C9orf43: variants seen among roughly 807,000 people sequenced by gnomAD.
C9orf43 encodes the protein uncharacterized protein C9orf43.
In C9orf43, 45 loss-of-function variants were observed where a neutral mutation model predicts 59.1. That is an observed-to-expected ratio of 0.76 (90% CI 0.60 to 0.98). The LOEUF (loss-of-function observed/expected upper bound fraction) is 0.98. C9orf43 is among the 50% of genes least tolerant of loss of function. The pLI is 0.00. For missense variants in C9orf43, 533 were observed against 554.9 expected, an observed-to-expected ratio of 0.96 and a Z score of 0.40; for synonymous variants, 203 against 196.8, an observed-to-expected ratio of 1.03 and a Z score of -0.26.
At chr9:113,425,257 C>A in intron 9 of C9orf43, 87 bp from the exon 10 acceptor site, 2 of 1,582,334 alleles carry the variant, frequency 1.3e-6, no homozygotes, top group Non-Finnish European at 1.7e-6. Flanking sequence ...ACCAGGGAGT[C>A]ACCATTGTGA....
chr9:113,422,845 G>T (rs1022900972), intron 6 of C9orf43, among the ~76,000 whole-genome samples: 2 of 151,956 alleles, frequency 1.3e-5, no homozygotes, highest in African/African-American at 4.8e-5. Flanking sequence ...GGGAGTTTTT[G>T]GTCAATTAAA....
intron 3 of C9orf43, among the ~76,000 whole-genome samples, chr9:113,417,207 G>C (rs1010258547): frequency 1.3e-5 from 2 of 152,138 alleles, no homozygotes; most frequent in African/African-American, 4.8e-5. Context: ...AGTATTTGTT[G>C]ATTGAGAGAA....
intron 12 of C9orf43, 131 bp downstream of exon 12, chr9:113,428,354 T>C (rs1828866811): frequency 2.1e-6 from 2 of 943,786 alleles, no homozygotes; most frequent in Non-Finnish European, 3.3e-6. Context: ...GTTGTTCTTC[T>C]CCTGCTTGAG....
In C9orf43 at chr9:113,413,541, G is replaced by C. The variant is rs764961326; in HGVS notation, c.48G>C (p.Leu16Phe). The change falls in exon 2 of 14, where the codon TTG becomes TTC. Residue 16 changes from leucine to phenylalanine, a missense_variant. Coordinates refer to ENST00000374165, the MANE Select transcript of C9orf43 (RefSeq NM_001278629.2). ...ESQWDETTCG[L>F]AVCQHPQCWA... Reference sequence around the variant, plus strand: ...AGTGGGACGAAACCACCTGTGGCTTGGCTGTTTGTCAGCACCCACAATGCT... The same window carrying C: ...AGTGGGACGAAACCACCTGTGGCTTCGCTGTTTGTCAGCACCCACAATGCT... 6.2e-7 allele frequency: 1 copy of C among 1,613,968 alleles called. No homozygotes were observed. Among genetic ancestry groups the C allele is most frequent in the African/African-American group, 1.3e-5 (1 of 74,926 alleles).
intron 3 of C9orf43, among the ~76,000 whole-genome samples, chr9:113,414,414 A>G (rs527749677): frequency 3.3e-5 from 5 of 151,476 alleles, no homozygotes; most frequent in East Asian, 1.9e-4. Context: ...AGCTAGGACT[A>G]CAAGTGTGCA....
At position 113,423,416 on chromosome 9, in the gene C9orf43, G is replaced by C. The variant is rs761448636; in HGVS notation, c.574G>C (p.Val192Leu). ...GATGATCGTGCCTCCCCCAACCCCA[G>C]TGCAATTGTCTGAACAATTCAGTTC... ...PGMIVPPPTP[V>L]QLSEQFSSDF... The change falls in exon 7 of 14, where the codon GTG (valine) becomes CTG (leucine). Residue 192 changes from valine to leucine, a missense_variant. Coordinates refer to ENST00000374165, the MANE Select transcript of C9orf43 (RefSeq NM_001278629.2). 1.9e-6 allele frequency: 3 copies of C among 1,614,102 alleles called. No homozygotes were observed. The highest frequency in any genetic ancestry group is 2.5e-6 in the Non-Finnish European group (3 of 1,179,982).
chr9:113,423,287 G>T (rs1200045426), intron 6 of C9orf43, 39 bp from the exon 7 acceptor site: 4 of 1,601,694 alleles, frequency 2.5e-6, no homozygotes, highest in South Asian at 2.2e-5. Flanking sequence ...AGGCTAAAAA[G>T]AATGCTTTGG....
intron 10 of C9orf43, 44 bp from the exon 11 acceptor site, chr9:113,425,599 T>C: frequency 6.3e-7 from 1 of 1,589,858 alleles, no homozygotes; most frequent in Non-Finnish European, 8.6e-7. Flanking sequence ...AAGTTTTCTT[T>C]ACTTCCAAAA....
rs1828656631 is a variant in C9orf43 at position 113,423,320 on chromosome 9, T to G, written c.484-6T>G. On this transcript the variant is annotated splice_polypyrimidine_tract_variant and splice_region_variant and intron_variant, in intron 6 of 13. Coordinates refer to ENST00000374165, the MANE Select transcript of C9orf43 (RefSeq NM_001278629.2). The stretch of plus-strand genomic sequence containing the variant: ...TGGAGAATTCTTTCCATTGTTTCTC[T>G]TCCAGAAAAGCAAGTCATTTCTGGG... The G allele has an allele frequency of 6.2e-7, 1 of 1,612,894 alleles. No individual in the cohort carries two copies. The highest frequency in any genetic ancestry group is 8.5e-7 in the Non-Finnish European group (1 of 1,179,114).
intron 3 of C9orf43, 21 bp downstream of exon 3, chr9:113,413,915 C>T (rs187329744): frequency 9.4e-6 from 15 of 1,596,854 alleles, no homozygotes; most frequent in Admixed American, 1.8e-5. Flanking sequence ...ATGGAATCTT[C>T]CTTTACAGCC....
chr9:113,428,127 A>G lies in C9orf43; in HGVS notation c.1031-20A>G. On this transcript the variant is annotated intron_variant, in intron 11 of 13. Coordinates refer to ENST00000374165, the MANE Select transcript of C9orf43 (RefSeq NM_001278629.2). ...GATATGGTAATAAGAGGAAGATTGA[A>G]TGGACTCTTTGGTTACTAGGTTACA... The G allele has an allele frequency of 2.5e-6, 4 of 1,613,744 alleles. No individual in the cohort carries two copies. Among genetic ancestry groups the G allele is most frequent in the Non-Finnish European group, 3.4e-6 (4 of 1,179,638 alleles).
In C9orf43 at chr9:113,425,727, T is replaced by C; in HGVS notation, c.1027T>C (p.Tyr343His). 6.2e-7 allele frequency: 1 copy of C among 1,611,160 alleles called. No homozygotes were observed. The highest frequency in any genetic ancestry group is 8.5e-7 in the Non-Finnish European group (1 of 1,177,312). Residue 343 changes from tyrosine to histidine, a missense_variant, in exon 11 of 14, where the codon TAT becomes CAT. Transcript: ENST00000374165. ...AGTTACCACCGTTCATGACCGTCTC[T>C]ATGGTAAGGGGAATATATGCTTGGT... ...HPVTTVHDRL[Y>H]GYRTLPGQNS... is the part of the protein sequence containing the mutation.
In C9orf43 at chr9:113,425,006, T is replaced by C. The variant is rs1224279455; in HGVS notation, c.808-13T>C. The stretch of plus-strand genomic sequence containing the variant: ...TGCAGTAGAGCTTTTCTTTTTCTTT[T>C]TTCTTTCTCCAGAGACCAGCACTGC... On this transcript the variant is annotated splice_polypyrimidine_tract_variant and intron_variant, in intron 8 of 13. Transcript: ENST00000374165. 3.1e-6 allele frequency: 5 copies of C among 1,607,646 alleles called. No homozygotes were observed. The highest frequency in any genetic ancestry group is 4.2e-6 in the Non-Finnish European group (5 of 1,179,336).
Position 113,426,362 on chromosome 9 carries a change from A to G in C9orf43, c.1030+632A>G, listed in dbSNP as rs1365024875. Among the ~76,000 whole-genome samples, 4 of 152,160 alleles carry G rather than the reference A, an allele frequency of 2.6e-5. No homozygotes were observed. The East Asian group carries it at 7.7e-4, about 29-fold the overall frequency. On this transcript the variant is annotated intron_variant, in intron 11 of 13. Coordinates refer to ENST00000374165, the MANE Select transcript of C9orf43 (RefSeq NM_001278629.2). ...TGAGCTCAGGCATATACTTACCCCTATCCCTCCAAAATTTTTCAACTTGAG... is the reference window on the plus strand; with the variant it reads ...TGAGCTCAGGCATATACTTACCCCTGTCCCTCCAAAATTTTTCAACTTGAG...
At chr9:113,425,154 A>G in intron 9 of C9orf43, 78 bp downstream of exon 9, 31 of 1,503,984 alleles carry the variant, frequency 2.1e-5, no homozygotes, top group Non-Finnish European at 2.5e-5. Context: ...ACGTGGTCCA[A>G]TTCAGTTATA....
intron 11 of C9orf43, among the ~76,000 whole-genome samples, chr9:113,427,268 C>A (rs1457691790): frequency 6.6e-6 from 1 of 152,086 alleles, no homozygotes; most frequent in African/African-American, 2.4e-5. Context: ...CTTCTGGGTC[C>A]AGGTTCAAGC....
chr9:113,416,402 C>G (rs1828359386), intron 3 of C9orf43, among the ~76,000 whole-genome samples: 1 of 152,222 alleles, frequency 6.6e-6, no homozygotes, highest in African/African-American at 2.4e-5. Flanking sequence ...AACTTTTCCT[C>G]TGTGTGAGAC....
intron 6 of C9orf43, 100 bp from the exon 7 acceptor site, chr9:113,423,226 G>T: frequency 8.6e-7 from 1 of 1,168,532 alleles, no homozygotes; most frequent in Non-Finnish European, 1.2e-6. Context: ...ACCATGGCTG[G>T]AGTACATGCC....
intron 13 of C9orf43, 26 bp from the exon 14 acceptor site, chr9:113,429,146 C>T (rs1191222380): frequency 6.2e-7 from 1 of 1,603,608 alleles, no homozygotes; most frequent in Non-Finnish European, 8.5e-7. Flanking sequence ...TTTACAGGTG[C>T]AATTAATGAC....
Sources: allele counts gnomAD v4.1 joint callset (sites outside exome capture counted in the v4.1 genomes callset), GRCh38; gene constraint gnomAD v4.1.1; transcripts MANE v1.5; gene names NCBI Gene and HGNC (gene_info 2026-07-23, HGNC 2026-07-21).